TBC1D5: variants seen among roughly 807,000 people sequenced by gnomAD.
TBC1D5 encodes TBC1 domain family member 5, also known as TBC1 domain family, member 5.
Under a neutral mutation model 100.3 loss-of-function variants are expected in TBC1D5, and 75 were observed. The observed-to-expected ratio is 0.75, with a 90% CI of 0.62 to 0.91. The LOEUF is 0.91. TBC1D5 is among the 40% of genes least tolerant of loss of function. The pLI, the probability that TBC1D5 is intolerant of heterozygous loss-of-function variation, is 0.00. For synonymous variants in TBC1D5, 323 were observed against 325.6 expected (o/e 0.99, Z 0.09); for missense variants, 910 against 942.4 (o/e 0.97, Z 0.45).
intron 13 of TBC1D5, among the ~76,000 whole-genome samples, chr3:17,330,772 T>C (rs180903613): frequency 6.6e-6 from 1 of 152,264 alleles, no homozygotes; most frequent in Admixed American, 6.5e-5. Context: ...ATAACCTGGA[T>C]GCCCTACAAG....
At chr3:17,173,094 C>T (rs1029884901) in intron 19 of TBC1D5, among the ~76,000 whole-genome samples, 1 of 152,192 alleles carries the variant, frequency 6.6e-6, no homozygotes, top group African/African-American at 2.4e-5. Context: ...TTGTACGTGC[C>T]ATGTTACCTC....
At chr3:17,698,755 AAAG>A (rs2072601656) in intron 1 of TBC1D5, among the ~76,000 whole-genome samples, 1 of 150,412 alleles carries the variant, frequency 6.6e-6, no homozygotes, top group Non-Finnish European at 1.5e-5. Context: ...ACACTTCTCA[AAAG>A]AAGACATTTA....
At chr3:17,458,882 T>C (rs994075087) in intron 3 of TBC1D5, among the ~76,000 whole-genome samples, 8 of 152,198 alleles carry the variant, frequency 5.3e-5, no homozygotes, top group Non-Finnish European at 8.8e-5. Context: ...CATTCAACAA[T>C]TGTACAGCTA....
intron 13 of TBC1D5, among the ~76,000 whole-genome samples, chr3:17,324,969 G>C (rs2085903136): frequency 6.6e-6 from 1 of 152,144 alleles, no homozygotes; most frequent in Non-Finnish European, 1.5e-5. Flanking sequence ...AGGATACAAA[G>C]TAATTGAAAC....
At chr3:17,515,144 A>C (rs1333365628) in intron 2 of TBC1D5, among the ~76,000 whole-genome samples, 7 of 152,180 alleles carry the variant, frequency 4.6e-5, no homozygotes, top group Admixed American at 4.6e-4. Context: ...AAAAAGGAAC[A>C]AATGGCTACT....
chr3:17,190,099 G>C (rs1575834556), intron 18 of TBC1D5, among the ~76,000 whole-genome samples: 1 of 151,626 alleles, frequency 6.6e-6, no homozygotes, highest in Non-Finnish European at 1.5e-5. Flanking sequence ...ATTCAATGTA[G>C]TCCTGCTATT....
At chr3:17,680,581 G>T (rs2069315817) in intron 1 of TBC1D5, among the ~76,000 whole-genome samples, 1 of 151,182 alleles carries the variant, frequency 6.6e-6, no homozygotes, top group Non-Finnish European at 1.5e-5. Flanking sequence ...TACTCATTTA[G>T]ATAGCCAAAC....
chr3:17,546,791 A>G (rs1056950534), intron 2 of TBC1D5, among the ~76,000 whole-genome samples: 23 of 151,980 alleles, frequency 1.5e-4, no homozygotes, highest in Admixed American at 1.2e-3. Context: ...CTCAAAAAAA[A>G]AAAAAAAGAA....
intron 15 of TBC1D5, among the ~76,000 whole-genome samples, chr3:17,273,694 C>A (rs953288717): frequency 6.6e-6 from 1 of 151,598 alleles, no homozygotes; most frequent in African/African-American, 2.4e-5. Context: ...GTAATCCCAG[C>A]TACTTGGGAG....
intron 2 of TBC1D5, among the ~76,000 whole-genome samples, chr3:17,581,352 C>G (rs1026776217): frequency 6.6e-6 from 1 of 152,152 alleles, no homozygotes; most frequent in African/African-American, 2.4e-5. Flanking sequence ...CAATTAACAA[C>G]TTCCACAGTT....
chr3:17,377,622 A>AT (rs966058156), intron 9 of TBC1D5, among the ~76,000 whole-genome samples: 1 of 151,994 alleles, frequency 6.6e-6, no homozygotes, highest in Non-Finnish European at 1.5e-5. Context: ...GGAGATAAAT[A>AT]TTTTGCTGGT....
intron 3 of TBC1D5, among the ~76,000 whole-genome samples, chr3:17,462,540 T>C (rs570394322): frequency 6.6e-6 from 1 of 151,984 alleles, no homozygotes; most frequent in South Asian, 2.1e-4. Flanking sequence ...AGGCTGGTCT[T>C]GAACTCCTGG....
chr3:17,290,302 T>C (rs2150126783), intron 15 of TBC1D5, among the ~76,000 whole-genome samples: 1 of 152,336 alleles, frequency 6.6e-6, no homozygotes, highest in Non-Finnish European at 1.5e-5. Context: ...ATTAAAATCA[T>C]ACTAACATGA....
intron 18 of TBC1D5, among the ~76,000 whole-genome samples, chr3:17,210,256 C>T (rs968105064): frequency 1.3e-4 from 20 of 151,368 alleles, no homozygotes; most frequent in African/African-American, 3.6e-4. Flanking sequence ...GGCGCGATCT[C>T]GGCTCAATGC....
At chr3:17,361,406 G>A (rs909061086) in intron 13 of TBC1D5, among the ~76,000 whole-genome samples, 1 of 151,858 alleles carries the variant, frequency 6.6e-6, no homozygotes, top group East Asian at 1.9e-4. Flanking sequence ...AGACCTAACC[G>A]ACATAATCAA....
intron 13 of TBC1D5, among the ~76,000 whole-genome samples, chr3:17,371,807 T>C (rs2092472156): frequency 1.3e-5 from 2 of 152,106 alleles, no homozygotes; most frequent in Admixed American, 1.3e-4. Flanking sequence ...TCCCAGCACT[T>C]TGGGAAGCAG....
chr3:17,310,822 ATATAAT>A (rs990692918), intron 13 of TBC1D5, among the ~76,000 whole-genome samples: 2 of 152,072 alleles, frequency 1.3e-5, no homozygotes, highest in African/African-American at 4.8e-5. Flanking sequence ...TCTATTTTAT[ATATAAT>A]TATAAGAAAA....
chr3:17,288,177 A>G (rs950157698), intron 15 of TBC1D5, among the ~76,000 whole-genome samples: 2 of 152,196 alleles, frequency 1.3e-5, no homozygotes, highest in African/African-American at 4.8e-5. Context: ...CTTAGCATAA[A>G]TAGCCTCTTT....
chr3:17,531,212 C>G (rs1387700742), intron 2 of TBC1D5, among the ~76,000 whole-genome samples: 1 of 152,184 alleles, frequency 6.6e-6, no homozygotes, highest in African/African-American at 2.4e-5. Context: ...AGAGCCAAGT[C>G]ATGAGTGAAC....
Sources: allele counts gnomAD v4.1 joint callset (sites outside exome capture counted in the v4.1 genomes callset), GRCh38; gene constraint gnomAD v4.1.1; transcripts MANE v1.5; gene names NCBI Gene and HGNC (gene_info 2026-07-23, HGNC 2026-07-21).